GALNT13: variants seen among roughly 807,000 people sequenced by gnomAD.
GALNT13 encodes UDP-GalNAc:polypeptide N-acetylgalactosaminyltransferase 13.
In GALNT13, 28 loss-of-function variants were observed where a neutral mutation model predicts 64.2. The ratio of observed to expected loss-of-function variants is 0.44; its 90% CI spans 0.32 to 0.60. GALNT13 has a LOEUF of 0.60. GALNT13 is among the 20% of genes least tolerant of loss of function. The probability of loss-of-function intolerance (pLI) is 0.05; values close to 1 mark genes in which losing one functional copy is unlikely to be tolerated. For synonymous variants in GALNT13, 214 were observed against 224.6 expected (o/e 0.95, Z 0.42); for missense variants, 577 against 669.8 (o/e 0.86, Z 1.53).
At chr2:153,415,238 G>A in the GALNT13 span, among the ~76,000 whole-genome samples, 1 of 152,200 alleles carries the variant, frequency 6.6e-6, no homozygotes, top group Non-Finnish European at 1.5e-5. Context: ...GGCCAGGGCA[G>A]AAGAGTATGA....
intron 4 of GALNT13, among the ~76,000 whole-genome samples, chr2:154,147,000 G>A (rs190179520): frequency 2.5e-4 from 38 of 151,968 alleles, no homozygotes; most frequent in Middle Eastern, 3.4e-3. Flanking sequence ...CCTTTTTTCC[G>A]GTTAATCTGT....
intron 3 of GALNT13, among the ~76,000 whole-genome samples, chr2:153,983,719 C>A (rs1462095948): frequency 1.3e-5 from 2 of 151,884 alleles, no homozygotes; most frequent in Non-Finnish European, 2.9e-5. Flanking sequence ...CCCTTTATGT[C>A]CTTGGCATTC....
chr2:153,279,823 AT>A, the GALNT13 span, among the ~76,000 whole-genome samples: 86 of 147,366 alleles, frequency 5.8e-4, 2 homozygotes, highest in Admixed American at 1.2e-3. Context: ...TAGTGTTTTT[AT>A]TTTTTTTTTC....
chr2:153,608,144 T>C, the GALNT13 span, among the ~76,000 whole-genome samples: 6 of 151,734 alleles, frequency 4.0e-5, no homozygotes, highest in Non-Finnish European at 7.4e-5. Flanking sequence ...GATTGTTCTT[T>C]GTCAGTGACA....
chr2:154,341,392 A>G (rs1345839217), intron 9 of GALNT13, among the ~76,000 whole-genome samples: 1 of 152,142 alleles, frequency 6.6e-6, no homozygotes, highest in African/African-American at 2.4e-5. Context: ...AATGTGATGG[A>G]AAAAAATGAA....
chr2:154,038,560 A>G (rs1453617662), intron 3 of GALNT13, among the ~76,000 whole-genome samples: 1 of 152,176 alleles, frequency 6.6e-6, no homozygotes, highest in Non-Finnish European at 1.5e-5. Context: ...GGATATATGC[A>G]TGCAAGACAA....
At chr2:154,319,870 A>G (rs1264124587) in intron 9 of GALNT13, among the ~76,000 whole-genome samples, 1 of 152,046 alleles carries the variant, frequency 6.6e-6, no homozygotes, top group African/African-American at 2.4e-5. Context: ...TCATTTTTAT[A>G]TACAGTAATT....
intron 3 of GALNT13, among the ~76,000 whole-genome samples, chr2:154,002,838 C>T (rs147482040): frequency 1.0e-3 from 152 of 152,232 alleles, no homozygotes; most frequent in African/African-American, 3.4e-3. Flanking sequence ...TTTGTTGCTT[C>T]GAATTCTAGG....
At chr2:153,664,862 C>A in the GALNT13 span, among the ~76,000 whole-genome samples, 5 of 152,178 alleles carry the variant, frequency 3.3e-5, no homozygotes, top group Admixed American at 6.5e-5. Context: ...CCCCTGCCAA[C>A]ATCTGACTGC....
At chr2:154,449,345 T>C (rs909760777) in intron 12 of GALNT13, among the ~76,000 whole-genome samples, 1 of 150,700 alleles carries the variant, frequency 6.6e-6, no homozygotes, top group African/African-American at 2.4e-5. Flanking sequence ...ACTACAATCG[T>C]CTGGCTGCTG....
the GALNT13 span, among the ~76,000 whole-genome samples, chr2:153,630,185 A>G: frequency 7.0e-4 from 107 of 152,146 alleles, 1 homozygote; most frequent in Non-Finnish European, 1.2e-3. Context: ...GCTGCTATAA[A>G]GACACATGCA....
chr2:153,593,407 C>G, the GALNT13 span: 1 of 152,278 alleles, frequency 6.6e-6, no homozygotes, highest in African/African-American at 2.4e-5. Context: ...CCCCATCCCC[C>G]ACAGCAGCCA....
chr2:153,073,450 A>AT, the GALNT13 span, among the ~76,000 whole-genome samples: 45 of 151,612 alleles, frequency 3.0e-4, no homozygotes, highest in Admixed American at 2.6e-3. Flanking sequence ...AACAGTGTAG[A>AT]TTTTTTTTTC....
intron 8 of GALNT13, among the ~76,000 whole-genome samples, chr2:154,286,212 G>T (rs1231014760): frequency 6.6e-6 from 1 of 152,186 alleles, no homozygotes; most frequent in Non-Finnish European, 1.5e-5. Context: ...GATTTCAAGT[G>T]CTATGTTGAA....
At chr2:153,275,669 T>C in the GALNT13 span, among the ~76,000 whole-genome samples, 1 of 152,240 alleles carries the variant, frequency 6.6e-6, no homozygotes, top group Non-Finnish European at 1.5e-5. Context: ...TCGTTCTTTA[T>C]AAGGGATGTA....
At chr2:153,336,510 C>T in the GALNT13 span, among the ~76,000 whole-genome samples, 1 of 152,162 alleles carries the variant, frequency 6.6e-6, no homozygotes, top group East Asian at 1.9e-4. Context: ...TTTGGACTTG[C>T]ATGGGCCCTG....
intron 10 of GALNT13, among the ~76,000 whole-genome samples, chr2:154,402,830 A>G (rs1699358864): frequency 6.6e-6 from 1 of 152,152 alleles, no homozygotes; most frequent in South Asian, 2.1e-4. Flanking sequence ...CTTTGTGAGT[A>G]TATATTTGAG....
chr2:153,302,777 C>T, the GALNT13 span, among the ~76,000 whole-genome samples: 1 of 152,046 alleles, frequency 6.6e-6, no homozygotes, highest in African/African-American at 2.4e-5. Flanking sequence ...TCAGTTGTTC[C>T]AACACCATTT....
intron 3 of GALNT13, among the ~76,000 whole-genome samples, chr2:154,101,901 AAAAGT>A (rs1702366229): frequency 6.6e-6 from 1 of 152,138 alleles, no homozygotes; most frequent in East Asian, 1.9e-4. Context: ...TTGTTCACCC[AAAAGT>A]AATTCAGGAG....
Sources: gnomAD v4.1 joint callset for allele counts (sites outside exome capture counted in the v4.1 genomes callset) on GRCh38, gnomAD v4.1.1 for gene constraint, MANE v1.5 for transcripts, NCBI Gene and HGNC (gene_info 2026-07-23, HGNC 2026-07-21) for gene names.